Variants in ASPRV1 observed in about 807,000 individuals in gnomAD.
The protein encoded by ASPRV1 is aspartic peptidase retroviral like 1, also known as retroviral-like aspartic protease 1.
In ASPRV1, 7 loss-of-function variants were observed where a neutral mutation model predicts 11.0. The observed-to-expected ratio is 0.64, with a 90% CI of 0.36 to 1.20. The LOEUF is 1.20. ASPRV1 is among the 50% of genes most tolerant of loss of function. The probability of loss-of-function intolerance (pLI) is 0.02; values close to 1 mark genes in which losing one functional copy is unlikely to be tolerated. For missense variants in ASPRV1, 299 were observed against 320.0 expected (o/e 0.93, Z 0.50); for synonymous variants, 136 against 138.4 (o/e 0.98, Z 0.12).
chr2:69,960,614 G>T lies in ASPRV1; in HGVS notation c.*43C>A, dbSNP rs745955881. 8 of 1,563,184 alleles carry T rather than the reference G, an allele frequency of 5.1e-6. No individual in the cohort carries two copies. Among genetic ancestry groups the T allele is most frequent in the Non-Finnish European group, 6.9e-6 (8 of 1,156,234 alleles). On this transcript the variant is annotated 3_prime_UTR_variant, in exon 1 of 1. Coordinates refer to ENST00000320256, the MANE Select transcript of ASPRV1 (RefSeq NM_152792.4). ...TATGCAACCCCCCCCACAGCGGTGG[G>T]TCTTCCCACCAATATTTAGGAGGTT... is the stretch of plus-strand genomic sequence containing the variant.
At chr2:70,065,946 G>T in the ASPRV1 span, among the ~76,000 whole-genome samples, 2 of 151,750 alleles carry the variant, frequency 1.3e-5, no homozygotes, top group Non-Finnish European at 2.9e-5. Flanking sequence ...AGTGGCTCAC[G>T]CCTGTACTCT....
the ASPRV1 span, among the ~76,000 whole-genome samples, chr2:69,968,081 CA>C: frequency 6.7e-6 from 1 of 149,168 alleles, no homozygotes; most frequent in Admixed American, 6.7e-5. Context: ...GACTCTGTCT[CA>C]AAAAAATAAA....
At chr2:70,057,742 G>A in the ASPRV1 span, among the ~76,000 whole-genome samples, 83 of 151,498 alleles carry the variant, frequency 5.5e-4, no homozygotes, top group Non-Finnish European at 9.6e-4. Context: ...GCCTCCCAAA[G>A]TGCTGGGATT....
At chr2:70,016,907 C>A in the ASPRV1 span, among the ~76,000 whole-genome samples, 1,624 of 152,100 alleles carry the variant, frequency 0.011, 29 homozygotes, top group African/African-American at 0.037. Flanking sequence ...GGATTTATTC[C>A]TGGGATGCAA....
the ASPRV1 span, among the ~76,000 whole-genome samples, chr2:69,954,950 C>CA: frequency 2.6e-5 from 4 of 152,202 alleles, no homozygotes; most frequent in Non-Finnish European, 5.9e-5. Context: ...CACCACAGTC[C>CA]AGCTCAGAGT....
At chr2:70,087,020 A>C in the ASPRV1 span, 1 of 136,060 alleles carries the variant, frequency 7.3e-6, no homozygotes, top group African/African-American at 2.7e-5. Flanking sequence ...CCCCCGGAAG[A>C]GGGCTGCTGC....
the ASPRV1 span, among the ~76,000 whole-genome samples, chr2:69,985,177 T>G: frequency 6.6e-6 from 1 of 152,308 alleles, no homozygotes; most frequent in South Asian, 2.1e-4. Context: ...TTATCTGGCT[T>G]CCAAACCTAC....
chr2:69,934,965 A>G, the ASPRV1 span, among the ~76,000 whole-genome samples: 2 of 152,228 alleles, frequency 1.3e-5, no homozygotes, highest in African/African-American at 4.8e-5. Flanking sequence ...ATCATAAATA[A>G]AAAACATCCC....
chr2:70,074,532 T>G, the ASPRV1 span, among the ~76,000 whole-genome samples: 1 of 151,186 alleles, frequency 6.6e-6, no homozygotes, highest in Admixed American at 6.6e-5. Context: ...CACCTCGACC[T>G]CCCAAAGTAC....
chr2:70,042,980 C>T, the ASPRV1 span, among the ~76,000 whole-genome samples: 1 of 152,080 alleles, frequency 6.6e-6, no homozygotes, highest in African/African-American at 2.4e-5. Context: ...ATCTATAAAC[C>T]CAATTGTAAG....
the ASPRV1 span, chr2:69,941,909 C>A: frequency 2.1e-5 from 3 of 145,754 alleles, no homozygotes. Context: ...GGTTTTTATA[C>A]CATACTGTAT....
upstream of ASPRV1, chr2:69,963,159 C>A (rs1322210959): frequency 1.4e-5 from 6 of 421,392 alleles, no homozygotes; most frequent in Non-Finnish European, 2.4e-5. Context: ...GCCCCTTCCA[C>A]CTGATTCAGT....
At chr2:69,966,150 A>G (rs1319833532), upstream of ASPRV1, among the ~76,000 whole-genome samples, 1 of 152,230 alleles carries the variant, frequency 6.6e-6, no homozygotes, top group Non-Finnish European at 1.5e-5. Context: ...GCCTGGGGTC[A>G]AGGCCAGGAC....
At chr2:70,052,851 C>T in the ASPRV1 span, among the ~76,000 whole-genome samples, 1 of 152,116 alleles carries the variant, frequency 6.6e-6, no homozygotes, top group African/African-American at 2.4e-5. Flanking sequence ...ATTTTCATCC[C>T]CTACAAAACC....
the ASPRV1 span, among the ~76,000 whole-genome samples, chr2:70,085,264 C>T: frequency 6.6e-6 from 1 of 152,180 alleles, no homozygotes; most frequent in Admixed American, 6.5e-5. Context: ...GTGCCACAGA[C>T]AGGGCCAGAC....
chr2:70,073,529 ATACT>A, the ASPRV1 span, among the ~76,000 whole-genome samples: 4 of 152,098 alleles, frequency 2.6e-5, no homozygotes, highest in Non-Finnish European at 5.9e-5. Flanking sequence ...ATCTTTAACG[ATACT>A]TAACGATACT....
At chr2:69,974,558 C>CAGGG in the ASPRV1 span, among the ~76,000 whole-genome samples, 1 of 152,228 alleles carries the variant, frequency 6.6e-6, no homozygotes, top group African/African-American at 2.4e-5. Context: ...CCAAGCCCAG[C>CAGGG]TCTTCCTTGA....
the ASPRV1 span, among the ~76,000 whole-genome samples, chr2:70,016,806 T>A: frequency 6.7e-4 from 101 of 151,722 alleles, no homozygotes; most frequent in African/African-American, 2.3e-3. Context: ...ATCACACCAT[T>A]GTCCTCCAGC....
the ASPRV1 span, among the ~76,000 whole-genome samples, chr2:69,943,499 T>C: frequency 1.3e-5 from 2 of 152,120 alleles, no homozygotes; most frequent in Admixed American, 6.6e-5. Context: ...GAGTCCAGCT[T>C]CGTGGGGCTG....
Sources: gnomAD v4.1 joint callset for allele counts (sites outside exome capture counted in the v4.1 genomes callset) on GRCh38, gnomAD v4.1.1 for gene constraint, MANE v1.5 for transcripts, NCBI Gene and HGNC (gene_info 2026-07-23, HGNC 2026-07-21) for gene names.